NUTM2E: variants seen among roughly 807,000 people sequenced by gnomAD.
The protein encoded by NUTM2E is NUT family member 2E, also known as family with sequence similarity 22, member E.
In NUTM2E, 3 loss-of-function variants were observed where a neutral mutation model predicts 26.1. That is an observed-to-expected ratio of 0.12 (90% CI 0.05 to 0.30). The LOEUF is 0.30. NUTM2E is among the 10% of genes least tolerant of loss of function. The pLI is 1.00. For synonymous variants in NUTM2E, 13 were observed against 157.5 expected, an observed-to-expected ratio of 0.08 and a Z score of 6.87; for missense variants, 62 against 381.3, an observed-to-expected ratio of 0.16 and a Z score of 6.97.
At position 79,838,942 on chromosome 10, in the gene NUTM2E, C is replaced by T. The variant is rs1295153092; in HGVS notation, c.-2287C>T. The stretch of plus-strand genomic sequence containing the variant: ...CTCGCCCGCCTCAAGGCTCCTGCGG[C>T]GGCGCACAGGGCAGGCCAGGAGCCC... On this transcript the variant is annotated 5_prime_UTR_variant, in exon 3 of 10. Coordinates refer to ENST00000429984, the MANE Select transcript of NUTM2E (RefSeq NM_001355263.2). 3.3e-3 allele frequency among the ~76,000 whole-genome samples: 488 copies of T among 148,626 alleles called. 5 individuals carry two copies. Among genetic ancestry groups the T allele is most frequent in the African/African-American group, 0.012 (470 of 40,232 alleles).
chr10:79,828,379 T>C (rs7918116), intron 1 of NUTM2E, among the ~76,000 whole-genome samples: 4,063 of 151,990 alleles, frequency 0.027, 205 homozygotes, highest in African/African-American at 0.093. Flanking sequence ...TCTACGTTTT[T>C]ATGTCTGTAA....
intron 3 of NUTM2E, among the ~76,000 whole-genome samples, 82 bp from the exon 4 acceptor site, chr10:79,839,546 G>C (rs549757420): frequency 1.3e-5 from 2 of 151,786 alleles, no homozygotes; most frequent in East Asian, 1.9e-4. Context: ...TAAAAAACTA[G>C]TAGAGAAGCA....
intron 1 of NUTM2E, among the ~76,000 whole-genome samples, chr10:79,834,961 ATC>A (rs1255311886): frequency 2.0e-5 from 3 of 151,670 alleles, no homozygotes; most frequent in Non-Finnish European, 2.9e-5. Context: ...TTTATCTATT[ATC>A]TGTCTCTTAA....
chr10:79,839,737 C>T lies in NUTM2E; in HGVS notation c.-2004C>T, dbSNP rs1452269568. Reference sequence around the variant, plus strand: ...AGCTCTGCAGGACACAGCATGGAGCCGCCATTCCTCTACTGGGTGGAGGAG... The same window carrying T: ...AGCTCTGCAGGACACAGCATGGAGCTGCCATTCCTCTACTGGGTGGAGGAG... On this transcript the variant is annotated 5_prime_UTR_variant, in exon 4 of 10. Coordinates refer to ENST00000429984, the MANE Select transcript of NUTM2E (RefSeq NM_001355263.2). 3.3e-5 allele frequency among the ~76,000 whole-genome samples: 5 copies of T among 151,460 alleles called. No homozygotes were observed. Among genetic ancestry groups the T allele is most frequent in the African/African-American group, 7.3e-5 (3 of 41,122 alleles).
intron 1 of NUTM2E, among the ~76,000 whole-genome samples, chr10:79,836,550 A>G (rs370061867): frequency 6.6e-6 from 1 of 151,944 alleles, no homozygotes; most frequent in Non-Finnish European, 1.5e-5. Context: ...GTGTATTTAC[A>G]TATCGACAGC....
intron 1 of NUTM2E, among the ~76,000 whole-genome samples, chr10:79,830,831 G>T (rs1841923178): frequency 3.3e-5 from 5 of 151,572 alleles, no homozygotes; most frequent in Non-Finnish European, 7.4e-5. Context: ...TGTGTAGGCG[G>T]GTTGTCTTCT....
intron 1 of NUTM2E, among the ~76,000 whole-genome samples, chr10:79,836,896 C>T (rs1485858083): frequency 6.6e-6 from 1 of 151,856 alleles, no homozygotes; most frequent in African/African-American, 2.4e-5. Context: ...ACTATGGGAA[C>T]TTTATTACCC....
At chr10:79,834,624 C>T (rs1473468924) in intron 1 of NUTM2E, among the ~76,000 whole-genome samples, 5 of 148,934 alleles carry the variant, frequency 3.4e-5, no homozygotes, top group South Asian at 2.1e-4. Flanking sequence ...GCCCAGATCA[C>T]GCCACCATAC....
intron 1 of NUTM2E, among the ~76,000 whole-genome samples, chr10:79,837,423 A>T (rs1249187731): frequency 6.6e-6 from 1 of 152,134 alleles, no homozygotes; most frequent in Non-Finnish European, 1.5e-5. Flanking sequence ...ACTTTTTCAA[A>T]TTCATAATAG....
At chr10:79,832,767 C>G (rs977348255) in intron 1 of NUTM2E, among the ~76,000 whole-genome samples, 4 of 151,666 alleles carry the variant, frequency 2.6e-5, no homozygotes, top group African/African-American at 4.8e-5. Context: ...TCCCAATAAC[C>G]TATTTTAATT....
rs113970185 is a variant in NUTM2E, at chr10:79,836,863, G to GAAAAAC, written c.-2727-1427_-2727-1422dup. On this transcript the variant is annotated intron_variant, in intron 1 of 9. Coordinates refer to ENST00000429984, the MANE Select transcript of NUTM2E (RefSeq NM_001355263.2). ...AATAAATACTATTAGTTCATGCCCA[G>GAAAAAC]AAAAACAAAAACAAAAACAAAAACT... Among the ~76,000 whole-genome samples the GAAAAAC allele has an allele frequency of 2.6e-3, 399 of 151,882 alleles. 2 individuals carry two copies. The East Asian group carries it at 0.045, about 17-fold the overall frequency.
chr10:79,837,420 CA>C (rs1468460891), intron 1 of NUTM2E, among the ~76,000 whole-genome samples: 1 of 152,098 alleles, frequency 6.6e-6, no homozygotes, highest in Non-Finnish European at 1.5e-5. Context: ...TCAACTTTTT[CA>C]AATTCATAAT....
At chr10:79,834,815 TACACAC>T (rs71925965) in intron 1 of NUTM2E, among the ~76,000 whole-genome samples, 1,673 of 145,938 alleles carry the variant, frequency 0.011, 44 homozygotes, top group African/African-American at 9.9e-3. Context: ...ACAGAATACC[TACACAC>T]ACACACACAC....
At chr10:79,827,584 A>AT (rs60916824) in intron 1 of NUTM2E, 6 of 146,670 alleles carry the variant, frequency 4.1e-5, no homozygotes, top group Non-Finnish European at 6.0e-5. Context: ...AAAAAAAAAA[A>AT]TTTTGGAGTG....
chr10:79,832,902 T>G lies in NUTM2E; in HGVS notation c.-2727-5407T>G, dbSNP rs1489787876. On this transcript the variant is annotated intron_variant, in intron 1 of 9. Coordinates refer to ENST00000429984, the MANE Select transcript of NUTM2E (RefSeq NM_001355263.2). The stretch of plus-strand genomic sequence containing the variant: ...ATGTGTGTGTGTGTATATGTGGGCA[T>G]GCCTATAGGTATAGTTGTGTGTGAA... Among the ~76,000 whole-genome samples, 5 of 151,958 alleles carry G rather than the reference T, an allele frequency of 3.3e-5. 1 individual carries two copies. The highest frequency in any genetic ancestry group is 1.2e-4 in the African/African-American group (5 of 41,502).
intron 5 of NUTM2E, among the ~76,000 whole-genome samples, chr10:79,845,396 C>T (rs1224653275): frequency 8.9e-6 from 1 of 112,864 alleles, no homozygotes; most frequent in African/African-American, 2.8e-5. Context: ...CGATGCCGGG[C>T]AGGTATTTGC....
In NUTM2E at chr10:79,838,776, T is replaced by G. The variant is rs1295280382; in HGVS notation, c.-2449-4T>G. Among the ~76,000 whole-genome samples the G allele has an allele frequency of 6.6e-6, 1 of 152,030 alleles. No homozygotes were observed. The highest frequency in any genetic ancestry group is 2.1e-4 in the South Asian group (1 of 4,818). ...CTTCTGATCACCCTTGGCTTTATTT[T>G]TAGGTAACACCAAGAAGGACGCCAT... On this transcript the variant is annotated splice_polypyrimidine_tract_variant and splice_region_variant and intron_variant, in intron 2 of 9. Transcript: ENST00000429984.
At chr10:79,834,111 A>G (rs1194539718) in intron 1 of NUTM2E, among the ~76,000 whole-genome samples, 1 of 151,622 alleles carries the variant, frequency 6.6e-6, no homozygotes, top group Non-Finnish European at 1.5e-5. Flanking sequence ...TAACACAGGA[A>G]CAGAAAACCA....
chr10:79,837,008 A>G (rs1449836339), intron 1 of NUTM2E, among the ~76,000 whole-genome samples: 1 of 151,802 alleles, frequency 6.6e-6, no homozygotes, highest in South Asian at 2.1e-4. Context: ...AGAAAAAAAA[A>G]TTGTGAAACA....
Sources: allele counts gnomAD v4.1 joint callset (sites outside exome capture counted in the v4.1 genomes callset), GRCh38; gene constraint gnomAD v4.1.1; transcripts MANE v1.5; gene names NCBI Gene and HGNC (gene_info 2026-07-23, HGNC 2026-07-21).